LRRC9: variants seen among roughly 807,000 people sequenced by gnomAD.
The protein encoded by LRRC9 is leucine-rich repeat-containing protein 9.
LRRC9 carries 122 observed loss-of-function variants against 63.2 expected under a neutral mutation model. That is an observed-to-expected ratio of 1.93 (90% CI 1.67 to 2.24). The LOEUF is 2.24. LRRC9 is among the 30% of genes most tolerant of loss of function. The pLI, the probability that LRRC9 is intolerant of heterozygous loss-of-function variation, is 0.00. For missense variants in LRRC9, 1,071 were observed against 627.7 expected, an observed-to-expected ratio of 1.71 and a Z score of -7.55; for synonymous variants, 366 against 213.1, an observed-to-expected ratio of 1.72 and a Z score of -6.25.
At chr14:60,030,126 C>G (rs1180896168) in intron 28 of LRRC9, among the ~76,000 whole-genome samples, 1 of 152,012 alleles carries the variant, frequency 6.6e-6, no homozygotes, top group Non-Finnish European at 1.5e-5. Context: ...TTAATTTCAA[C>G]AAAGGGACAA....
intron 8 of LRRC9, among the ~76,000 whole-genome samples, chr14:59,949,237 A>G (rs1243788964): frequency 6.6e-6 from 1 of 151,936 alleles, no homozygotes; most frequent in Admixed American, 6.6e-5. Context: ...TTTAGTCTTG[A>G]GAGAGTGTAT....
In LRRC9 at chr14:60,027,888, T is replaced by C. The variant is rs577421017; in HGVS notation, c.3708T>C (p.Asn1236=). Residue 1236 remains asparagine (N), a synonymous_variant, in exon 28 of 32, where the codon AAT becomes AAC. Coordinates refer to ENST00000445360, the Ensembl canonical transcript of LRRC9. This position sits in a 1 kb window ranked among gnomAD's most constrained non-coding sequence, Gnocchi z 4.0. Reference sequence around the variant, plus strand: ...TCATGACTTATCTCTTTTTAGGTAATGAAATCAGCCAAGTTGAAGGGCTTG... The same window carrying C: ...TCATGACTTATCTCTTTTTAGGTAACGAAATCAGCCAAGTTGAAGGGCTTG... 1 of 698,330 alleles carries C rather than the reference T, an allele frequency of 1.4e-6. No homozygotes were observed. The highest frequency in any genetic ancestry group is 2.6e-6 in the Non-Finnish European group (1 of 382,850). The allele number at this position is 698,330 out of a possible 1,614,324, so 43.3% of individuals were successfully genotyped here. A position where few individuals can be genotyped will look rare whatever the true frequency, so the allele number is the denominator to read the frequency against.
chr14:60,016,736 G>C (rs1420904378), exon 24 of LRRC9: 2 of 700,432 alleles, frequency 2.9e-6, no homozygotes, highest in Admixed American at 2.0e-5. Flanking sequence ...GAACGACAAG[G>C]ACATTCCAAC....
In LRRC9 at chr14:60,004,606, G is replaced by T. The variant is rs1387187580; in HGVS notation, c.2842+808G>T. 6.6e-6 allele frequency among the ~76,000 whole-genome samples: 1 copy of T among 151,778 alleles called. No homozygotes were observed. The highest frequency in any genetic ancestry group is 1.5e-5 in the Non-Finnish European group (1 of 67,888). On this transcript the variant is annotated intron_variant, in intron 21 of 31. Transcript: ENST00000445360. The surrounding 1 kb of genome is among the most constrained non-coding windows in gnomAD (Gnocchi z 4.8). ...CTTCTTAGATTCTTCACTTCATTTG[G>T]ATTTATGCTTATCTACAGCTAAAAA...
At chr14:60,013,041 G>A (rs2140253810) in intron 23 of LRRC9, among the ~76,000 whole-genome samples, 1 of 151,382 alleles carries the variant, frequency 6.6e-6, no homozygotes, top group Non-Finnish European at 1.5e-5. Context: ...CATGTGCCAT[G>A]TTGGTATGCT....
chr14:59,957,835 A>G (rs958732656), intron 8 of LRRC9, among the ~76,000 whole-genome samples: 3 of 151,988 alleles, frequency 2.0e-5, no homozygotes, highest in South Asian at 2.1e-4. Context: ...CTTTATGTTC[A>G]TCTTGATCTT....
chr14:59,990,402 T>C lies in LRRC9; in HGVS notation c.2211+5178T>C, dbSNP rs963291782. On this transcript the variant is annotated intron_variant, in intron 17 of 31. Coordinates refer to ENST00000445360, the Ensembl canonical transcript of LRRC9. The surrounding 1 kb of genome is among the most constrained non-coding windows in gnomAD (Gnocchi z 4.2). ...CTGCTTTCTTCAGACCTTTCTTTTT[T>C]CTTTTTCTTTTTTCATTTTTAGACA... is the stretch of plus-strand genomic sequence containing the variant. Among the ~76,000 whole-genome samples the C allele has an allele frequency of 2.0e-5, 3 of 152,118 alleles. No individual in the cohort carries two copies. Among genetic ancestry groups the C allele is most frequent in the Admixed American group, 1.3e-4 (2 of 15,274 alleles).
At chr14:59,967,129 T>C in exon 12 of LRRC9, 1 of 646,352 alleles carries the variant, frequency 1.5e-6, no homozygotes, top group East Asian at 2.7e-5. Flanking sequence ...GCCTTTTTTA[T>C]GTTTTTGATC....
rs570453446 is a variant in LRRC9 at position 60,003,392 on chromosome 14, A to G, written c.2665-229A>G. Among the ~76,000 whole-genome samples the G allele has an allele frequency of 1.3e-5, 2 of 152,340 alleles. No individual in the cohort carries two copies. The highest frequency in any genetic ancestry group is 4.8e-5 in the African/African-American group (2 of 41,588). On this transcript the variant is annotated intron_variant, in intron 20 of 31. Coordinates refer to ENST00000445360, the Ensembl canonical transcript of LRRC9. This position sits in a 1 kb window ranked among gnomAD's most constrained non-coding sequence, Gnocchi z 4.2. Reference sequence around the variant, plus strand: ...AAGTCCATTACTGTAATGGGACTCTAGCACATCGCAGTGTCCTTAATACCA... The same window carrying G: ...AAGTCCATTACTGTAATGGGACTCTGGCACATCGCAGTGTCCTTAATACCA...
chr14:60,047,716 T>A (rs374801178), intron 29 of LRRC9, among the ~76,000 whole-genome samples: 36 of 152,300 alleles, frequency 2.4e-4, no homozygotes, highest in African/African-American at 8.2e-4. Flanking sequence ...AACACTCCAC[T>A]GACAGTATTA....
intron 29 of LRRC9, among the ~76,000 whole-genome samples, chr14:60,037,363 C>G: frequency 6.6e-6 from 1 of 152,180 alleles, no homozygotes; most frequent in Non-Finnish European, 1.5e-5. Context: ...AATGGTTGAA[C>G]TAGTTTACAG....
At chr14:60,037,857 A>G (rs564376993) in intron 29 of LRRC9, among the ~76,000 whole-genome samples, 22 of 152,236 alleles carry the variant, frequency 1.4e-4, no homozygotes, top group African/African-American at 5.3e-4. Flanking sequence ...TATGTCCTGA[A>G]TGGTATTGTC....
intron 16 of LRRC9, among the ~76,000 whole-genome samples, chr14:59,983,944 A>G (rs1298253200): frequency 6.6e-6 from 1 of 152,216 alleles, no homozygotes; most frequent in Non-Finnish European, 1.5e-5. Context: ...TCACTGGATA[A>G]CCAGAAAACC....
intron 29 of LRRC9, among the ~76,000 whole-genome samples, chr14:60,047,803 A>G (rs892775818): frequency 6.6e-6 from 1 of 152,188 alleles, no homozygotes; most frequent in Non-Finnish European, 1.5e-5. Context: ...GATCTGATAG[A>G]TATCTACAGA....
intron 12 of LRRC9, among the ~76,000 whole-genome samples, chr14:59,972,321 T>C (rs1885605539): frequency 6.6e-6 from 1 of 152,150 alleles, no homozygotes; most frequent in South Asian, 2.1e-4. Flanking sequence ...TGGAGAACTG[T>C]AAACAGATGA....
At chr14:59,955,382 G>C (rs905567422) in intron 8 of LRRC9, among the ~76,000 whole-genome samples, 2 of 152,184 alleles carry the variant, frequency 1.3e-5, no homozygotes, top group African/African-American at 4.8e-5. Flanking sequence ...GAGGGTGTAT[G>C]TGTCCAGGAA....
chr14:60,035,262 T>A (rs1892335242), intron 29 of LRRC9, among the ~76,000 whole-genome samples: 1 of 152,210 alleles, frequency 6.6e-6, no homozygotes, highest in South Asian at 2.1e-4. Flanking sequence ...CCTTGTCAGA[T>A]GGATTGATTG....
At chr14:60,054,401 C>A (rs1417061353) in intron 30 of LRRC9, among the ~76,000 whole-genome samples, 1 of 152,134 alleles carries the variant, frequency 6.6e-6, no homozygotes, top group Non-Finnish European at 1.5e-5. Context: ...TCTCTCTCCC[C>A]ACCCCTTCCA....
At position 59,958,695 on chromosome 14, in the gene LRRC9, C is replaced by G. The variant is rs867058401; in HGVS notation, c.883-1123C>G. On this transcript the variant is annotated intron_variant, in intron 8 of 31. Transcript: ENST00000445360. This position sits in a 1 kb window ranked among gnomAD's most constrained non-coding sequence, Gnocchi z 4.0. Reference sequence around the variant, plus strand: ...TACGAAAAAATACTCCTGCAGCTAGCTCAGTGTCTGCCCAAACAGCCACCC... The same window carrying G: ...TACGAAAAAATACTCCTGCAGCTAGGTCAGTGTCTGCCCAAACAGCCACCC... Among the ~76,000 whole-genome samples the G allele has an allele frequency of 6.6e-5, 10 of 152,368 alleles. No individual in the cohort carries two copies. The South Asian group carries it at 1.2e-3, about 19-fold the overall frequency.
Sources: gnomAD v4.1 joint callset for allele counts (sites outside exome capture counted in the v4.1 genomes callset) on GRCh38, gnomAD v4.1.1 for gene constraint, Gnocchi (gnomAD v3.1) non-coding constraint, MANE v1.5 for transcripts, NCBI Gene and HGNC (gene_info 2026-07-23, HGNC 2026-07-21) for gene names.